BANP: variants seen among roughly 807,000 people sequenced by gnomAD.
BANP encodes the protein BTG3 associated nuclear protein, also known as protein BANP.
Under a neutral mutation model 68.1 loss-of-function variants are expected in BANP, and 11 were observed. The observed-to-expected ratio is 0.16, with a 90% CI of 0.10 to 0.27. The LOEUF is 0.27. Ranked by LOEUF, BANP falls within the 10% of genes least tolerant of loss-of-function variation. The pLI is 1.00. For missense variants in BANP, 504 were observed against 722.7 expected, an observed-to-expected ratio of 0.70 and a Z score of 3.47; for synonymous variants, 329 against 303.2, an observed-to-expected ratio of 1.09 and a Z score of -0.88.
intron 8 of BANP, among the ~76,000 whole-genome samples, 154 bp downstream of exon 8, chr16:88,027,804 C>T (rs1402140861): frequency 5.3e-5 from 8 of 152,220 alleles, no homozygotes; most frequent in Non-Finnish European, 7.3e-5. Flanking sequence ...GCAGTGGAGC[C>T]GCAGGACCTG....
intron 1 of BANP, among the ~76,000 whole-genome samples, chr16:87,958,398 G>C (rs1396035392): frequency 1.3e-5 from 2 of 152,224 alleles, no homozygotes; most frequent in Non-Finnish European, 2.9e-5. Context: ...GCAGTGATGA[G>C]TGTATGAACT....
intron 11 of BANP, among the ~76,000 whole-genome samples, chr16:88,041,912 C>G (rs1247824106): frequency 6.6e-6 from 1 of 152,154 alleles, no homozygotes; most frequent in Admixed American, 6.5e-5. Context: ...AACCACAGAG[C>G]CTGAGAGACA....
chr16:88,037,963 T>C lies in BANP; in HGVS notation c.1273-10T>C. On this transcript the variant is annotated splice_polypyrimidine_tract_variant and intron_variant, in intron 10 of 13. Transcript: ENST00000682872. Reference sequence around the variant, plus strand: ...TACTCATGACCGTCTCCTCCTCTCGTTCTTTGTAGGGCAACCTCCAGATCC... The same window carrying C: ...TACTCATGACCGTCTCCTCCTCTCGCTCTTTGTAGGGCAACCTCCAGATCC... 6 of 1,613,768 alleles carry C rather than the reference T, an allele frequency of 3.7e-6. No individual in the cohort carries two copies. Among genetic ancestry groups the C allele is most frequent in the Non-Finnish European group, 5.1e-6 (6 of 1,179,664 alleles).
At chr16:87,989,799 C>T (rs1210673578) in intron 4 of BANP, among the ~76,000 whole-genome samples, 40 of 117,300 alleles carry the variant, frequency 3.4e-4, no homozygotes, top group African/African-American at 1.2e-3. Flanking sequence ...CGTGGCTGCG[C>T]GCATCCAGGA....
chr16:88,024,676 C>T (rs1166385657), intron 7 of BANP, among the ~76,000 whole-genome samples: 2 of 152,254 alleles, frequency 1.3e-5, no homozygotes, highest in East Asian at 3.9e-4. Context: ...ACTCTGCGGG[C>T]AGCACTTGGG....
At chr16:87,988,226 C>T (rs568537520) in intron 4 of BANP, among the ~76,000 whole-genome samples, 1 of 152,282 alleles carries the variant, frequency 6.6e-6, no homozygotes, top group East Asian at 1.9e-4. Context: ...AATTGATTAG[C>T]ATTCTGAATA....
intron 3 of BANP, among the ~76,000 whole-genome samples, chr16:87,981,422 C>T (rs923612919): frequency 5.9e-5 from 9 of 152,216 alleles, no homozygotes; most frequent in African/African-American, 2.2e-4. Context: ...GACTGTTTCC[C>T]CTTCTCTCCT....
chr16:87,961,555 A>G (rs911006689), intron 1 of BANP, among the ~76,000 whole-genome samples: 15 of 152,266 alleles, frequency 9.9e-5, no homozygotes, highest in East Asian at 5.8e-4. Context: ...GTTGTTTTCA[A>G]TTAAGCCGGG....
At position 87,969,683 on chromosome 16, in the gene BANP, C is replaced by A. The variant is rs181727289; in HGVS notation, c.-68-5365C>A. ...CAGTAGCTGGGATTACAGGCACGCG[C>A]CGCCATCCCCGTCTAATTTTTTGTA... is the stretch of plus-strand genomic sequence containing the variant. On this transcript the variant is annotated intron_variant, in intron 1 of 13. Transcript: ENST00000682872. Among the ~76,000 whole-genome samples the A allele has an allele frequency of 7.2e-5, 11 of 152,006 alleles. No homozygotes were observed. In the East Asian group the frequency reaches 1.4e-3, roughly 19 times the overall value.
chr16:88,046,358 T>C (rs2082023289), intron 11 of BANP, among the ~76,000 whole-genome samples: 1 of 152,238 alleles, frequency 6.6e-6, no homozygotes, highest in Non-Finnish European at 1.5e-5. Flanking sequence ...GCAGGTCATC[T>C]GAACCTCATC....
intron 1 of BANP, among the ~76,000 whole-genome samples, chr16:87,953,313 A>T (rs2057359959): frequency 6.6e-6 from 1 of 152,190 alleles, no homozygotes; most frequent in Non-Finnish European, 1.5e-5. Context: ...CCCGTTCTTC[A>T]AAGAGGTTTA....
At position 88,002,495 on chromosome 16, in the gene BANP, G is replaced by C. The variant is rs1466415708; in HGVS notation, c.363-1800G>C. Among the ~76,000 whole-genome samples, 1 of 152,050 alleles carries C rather than the reference G, an allele frequency of 6.6e-6. No individual in the cohort carries two copies. Among genetic ancestry groups the C allele is most frequent in the African/African-American group, 2.4e-5 (1 of 41,382 alleles). On this transcript the variant is annotated intron_variant, in intron 4 of 13. Transcript: ENST00000682872. The surrounding 1 kb of genome is among the most constrained non-coding windows in gnomAD (Gnocchi z 4.6). ...GAGGTTGTTTTTTAGGTGGGAAAAG[G>C]GCTTTGTGGAAGGGAACACACACAT... is the stretch of plus-strand genomic sequence containing the variant.
In BANP at chr16:88,038,995, T is replaced by A. The variant is rs566681114; in HGVS notation, c.1311+984T>A. On this transcript the variant is annotated intron_variant, in intron 11 of 13. Coordinates refer to ENST00000682872, the MANE Select transcript of BANP (RefSeq NM_001386991.1). Reference sequence around the variant, plus strand: ...CTTTGTCAAGGCCAGGCCCTGCGGATCTCTGACCCGACTGAGCCTGGTGCA... The same window carrying A: ...CTTTGTCAAGGCCAGGCCCTGCGGAACTCTGACCCGACTGAGCCTGGTGCA... Among the ~76,000 whole-genome samples, 8 of 152,322 alleles carry A rather than the reference T, an allele frequency of 5.3e-5. No individual in the cohort carries two copies. The South Asian group carries it at 1.7e-3, about 32-fold the overall frequency.
chr16:88,066,629 T>A (rs2088695024), intron 12 of BANP, among the ~76,000 whole-genome samples: 1 of 152,244 alleles, frequency 6.6e-6, no homozygotes, highest in Non-Finnish European at 1.5e-5. Flanking sequence ...AATGTAGTTT[T>A]GAGGCAGAAA....
At chr16:88,013,305 T>C (rs2073682193) in intron 6 of BANP, among the ~76,000 whole-genome samples, 3 of 152,256 alleles carry the variant, frequency 2.0e-5, no homozygotes, top group Non-Finnish European at 4.4e-5. Context: ...ATGAGGCCTC[T>C]GAAGTGGTGG....
chr16:88,031,516 G>A (rs2078162405), intron 8 of BANP, among the ~76,000 whole-genome samples: 1 of 152,038 alleles, frequency 6.6e-6, no homozygotes, highest in Admixed American at 6.5e-5. Context: ...CAGCATGATG[G>A]TGGGTGCCTG....
chr16:87,965,126 G>A (rs567846517), intron 1 of BANP, among the ~76,000 whole-genome samples: 5 of 152,332 alleles, frequency 3.3e-5, no homozygotes, highest in South Asian at 4.1e-4. Context: ...GCATCCTCAA[G>A]TCAGGAAGTG....
intron 1 of BANP, among the ~76,000 whole-genome samples, chr16:87,963,751 C>G (rs1049063187): frequency 6.6e-6 from 1 of 152,184 alleles, no homozygotes; most frequent in Non-Finnish European, 1.5e-5. Context: ...GAAGGAAGCC[C>G]TAGTGTTAAA....
chr16:88,020,036 G>A (rs2152679371), intron 7 of BANP, among the ~76,000 whole-genome samples: 1 of 152,314 alleles, frequency 6.6e-6, no homozygotes, highest in African/African-American at 2.4e-5. Flanking sequence ...CGCCCATCCT[G>A]GACCCTGAGG....
Sources: allele counts gnomAD v4.1 joint callset (sites outside exome capture counted in the v4.1 genomes callset), GRCh38; gene constraint gnomAD v4.1.1; non-coding constraint Gnocchi (gnomAD v3.1); transcripts MANE v1.5; gene names NCBI Gene and HGNC (gene_info 2026-07-23, HGNC 2026-07-21).